The following NR6A1 variants were observed in gnomAD, a reference collection of about 807,000 sequenced individuals.
NR6A1 encodes nuclear receptor subfamily 6 group A member 1.
Under a neutral mutation model 59.1 loss-of-function variants are expected in NR6A1, and 7 were observed. The observed-to-expected ratio is 0.12, with a 90% CI of 0.07 to 0.22. NR6A1 has a LOEUF of 0.22. Among genes scored for constraint, NR6A1 ranks in the 10% least tolerant of loss-of-function variants. The pLI is 1.00. For missense variants in NR6A1, 468 were observed against 611.6 expected (o/e 0.77, Z 2.48); for synonymous variants, 243 against 236.1 (o/e 1.03, Z -0.27).
intron 1 of NR6A1, among the ~76,000 whole-genome samples, chr9:124,740,650 A>G (rs1840149297): frequency 1.3e-5 from 2 of 152,170 alleles, no homozygotes; most frequent in South Asian, 2.1e-4. Flanking sequence ...GGTTTCAGAG[A>G]AGTCTGTTTT....
chr9:124,584,048 T>C (rs755332500), intron 2 of NR6A1, among the ~76,000 whole-genome samples: 3 of 151,896 alleles, frequency 2.0e-5, no homozygotes, highest in Admixed American at 6.6e-5. Flanking sequence ...TGAACATCAG[T>C]TGAATGAAAG....
Position 124,571,319 on chromosome 9 carries a change from G to A in NR6A1, c.143-16749C>T, listed in dbSNP as rs142767001. Among the ~76,000 whole-genome samples, 286 of 152,296 alleles carry A rather than the reference G, an allele frequency of 1.9e-3. 2 individuals carry two copies. The Middle Eastern group carries it at 0.024, about 13-fold the overall frequency. On this transcript the variant is annotated intron_variant, in intron 2 of 9. Coordinates refer to ENST00000487099, the MANE Select transcript of NR6A1 (RefSeq NM_033334.4). ...ATGAACACAAACATGCAATTCTGGA[G>A]TTAGATTGACCTGAGGAGTCCTTCT...
intron 3 of NR6A1, among the ~76,000 whole-genome samples, chr9:124,549,302 T>C (rs1833699030): frequency 6.6e-6 from 1 of 152,208 alleles, no homozygotes; most frequent in African/African-American, 2.4e-5. Context: ...CACTGGGTTT[T>C]TGAAGAACTA....
chr9:124,643,870 A>G (rs953667358), intron 2 of NR6A1, among the ~76,000 whole-genome samples: 2 of 152,060 alleles, frequency 1.3e-5, no homozygotes, highest in Middle Eastern at 3.2e-3. Flanking sequence ...ACATAGTAAA[A>G]GATGCTTTTA....
intron 2 of NR6A1, among the ~76,000 whole-genome samples, chr9:124,665,324 G>A (rs1432147017): frequency 1.3e-5 from 2 of 152,146 alleles, no homozygotes; most frequent in African/African-American, 2.4e-5. Flanking sequence ...GGAAAAATAC[G>A]CTCAGCTCCA....
At chr9:124,727,147 A>G (rs568912929) in intron 2 of NR6A1, among the ~76,000 whole-genome samples, 1 of 152,316 alleles carries the variant, frequency 6.6e-6, no homozygotes, top group Admixed American at 6.5e-5. Context: ...GTCTAAAATG[A>G]AAGCTCTTTT....
rs1260254511 is a variant in NR6A1, at chr9:124,771,094, C to A, written c.26G>T (p.Ser9Ile). Residue 9 changes from serine to isoleucine, a missense_variant, in exon 1 of 10, where the codon AGC becomes ATC. Ser to Ile is a moderately radical substitution (Grantham distance 142). This residue lies in a region of NR6A1 where 75 missense variants were observed against 65.6 expected (regional missense o/e 1.14). Coordinates refer to ENST00000487099, the MANE Select transcript of NR6A1 (RefSeq NM_033334.4). ...CGAGCCCCCGCCGCCTCCCCCTCCG[C>A]TAGGCGGCGGTTCGTCCCGCTCCAT... MERDEPPPSGGGGGGGSAG... is the reference protein window; with the variant it reads MERDEPPPIGGGGGGGSAG... 1.6e-6 allele frequency: 2 copies of A among 1,230,212 alleles called. No individual in the cohort carries two copies. Among genetic ancestry groups the A allele is most frequent in the Non-Finnish European group, 2.0e-6 (2 of 986,738 alleles). 76.2% of individuals were successfully genotyped at this position (1,230,212 alleles called of 1,614,324 possible). A position where few individuals can be genotyped will look rare whatever the true frequency, so the allele number is the denominator to read the frequency against.
At chr9:124,602,769 T>G (rs544106896) in intron 2 of NR6A1, among the ~76,000 whole-genome samples, 2 of 152,310 alleles carry the variant, frequency 1.3e-5, no homozygotes, top group East Asian at 3.9e-4. Context: ...ATGATCTCAT[T>G]GAGTCCCATC....
At chr9:124,621,374 G>C (rs903526758) in intron 2 of NR6A1, among the ~76,000 whole-genome samples, 3 of 152,070 alleles carry the variant, frequency 2.0e-5, no homozygotes, top group Non-Finnish European at 4.4e-5. Flanking sequence ...TATTAGGCTG[G>C]AAGTGGTGGC....
In NR6A1 at chr9:124,523,042, T is replaced by C. The variant is rs576778243; in HGVS notation, c.1355-249A>G. On this transcript the variant is annotated intron_variant, in intron 9 of 9. Coordinates refer to ENST00000487099, the MANE Select transcript of NR6A1 (RefSeq NM_033334.4). ...CTACTACTCAGGGAATACTTAACTC[T>C]GTTCTAGGTGGTTAAATGCATTACC... is the stretch of plus-strand genomic sequence containing the variant. 5.3e-5 allele frequency among the ~76,000 whole-genome samples: 8 copies of C among 152,254 alleles called. No individual in the cohort carries two copies. The East Asian group carries it at 1.4e-3, about 26-fold the overall frequency.
intron 2 of NR6A1, among the ~76,000 whole-genome samples, chr9:124,716,117 T>C (rs767208913): frequency 7.9e-5 from 12 of 152,082 alleles, no homozygotes; most frequent in Non-Finnish European, 1.3e-4. Context: ...GGCAGGAGGA[T>C]TGCTTGGGCC....
At chr9:124,748,864 C>CAA (rs533825423) in intron 1 of NR6A1, among the ~76,000 whole-genome samples, 24 of 66,922 alleles carry the variant, frequency 3.6e-4, no homozygotes, top group Admixed American at 2.2e-3. Flanking sequence ...GACTCTGTCT[C>CAA]AAAAAAAAAA....
At chr9:124,543,306 C>T (rs1833502524) in intron 4 of NR6A1, among the ~76,000 whole-genome samples, 1 of 152,182 alleles carries the variant, frequency 6.6e-6, no homozygotes, top group Non-Finnish European at 1.5e-5. Context: ...TGTCTGTTTA[C>T]CTATCTGTTT....
At chr9:124,526,984 C>T in intron 7 of NR6A1, 84 bp from the exon 8 acceptor site, 1 of 1,523,112 alleles carries the variant, frequency 6.6e-7, no homozygotes, top group Non-Finnish European at 9.0e-7. Context: ...CCTACAGCTC[C>T]TTAAACAGGC....
intron 2 of NR6A1, among the ~76,000 whole-genome samples, chr9:124,593,993 C>G (rs1191355176): frequency 2.6e-5 from 4 of 152,224 alleles, no homozygotes; most frequent in Non-Finnish European, 5.9e-5. Flanking sequence ...AGAGTTAACC[C>G]TCTGTGAACT....
intron 2 of NR6A1, among the ~76,000 whole-genome samples, chr9:124,690,060 T>A (rs1320651115): frequency 6.6e-6 from 1 of 152,190 alleles, no homozygotes; most frequent in Non-Finnish European, 1.5e-5. Context: ...CACACTGACA[T>A]GCTGTTGTTA....
In NR6A1 at chr9:124,697,672, G is replaced by A. The variant is rs115049758; in HGVS notation, c.142+35636C>T. Among the ~76,000 whole-genome samples the A allele has an allele frequency of 7.2e-3, 1,039 of 144,192 alleles. 11 individuals carry two copies. Among genetic ancestry groups the A allele is most frequent in the African/African-American group, 0.027 (1,009 of 38,028 alleles). The allele number at this position is 144,192 out of a possible 152,430, so 94.6% of individuals were successfully genotyped here. A position where few individuals can be genotyped will look rare whatever the true frequency, so the allele number is the denominator to read the frequency against. On this transcript the variant is annotated intron_variant, in intron 2 of 9. Coordinates refer to ENST00000487099, the MANE Select transcript of NR6A1 (RefSeq NM_033334.4). Reference sequence around the variant, plus strand: ...GAGACAAGGCCAGAAAAGAAGGTAGGATTTAAAAAAAAAAAAAACAGATTA... The same window carrying A: ...GAGACAAGGCCAGAAAAGAAGGTAGAATTTAAAAAAAAAAAAAACAGATTA...
intron 1 of NR6A1, among the ~76,000 whole-genome samples, chr9:124,750,556 C>T (rs1400088882): frequency 1.3e-5 from 2 of 152,026 alleles, no homozygotes; most frequent in African/African-American, 2.4e-5. Flanking sequence ...GTCAGGAGAA[C>T]GAGACCAGCC....
intron 2 of NR6A1, among the ~76,000 whole-genome samples, chr9:124,604,579 C>T (rs753993881): frequency 1.3e-5 from 2 of 152,138 alleles, no homozygotes; most frequent in Non-Finnish European, 2.9e-5. Flanking sequence ...GACGCTGAGG[C>T]GGGTAGATCG....
Sources: allele counts gnomAD v4.1 joint callset (sites outside exome capture counted in the v4.1 genomes callset), GRCh38; gene constraint gnomAD v4.1.1; regional missense constraint gnomAD v4.1.1; transcripts MANE v1.5; gene names NCBI Gene and HGNC (gene_info 2026-07-23, HGNC 2026-07-21).